Variants in CHST5 observed in about 807,000 individuals in gnomAD.
The protein encoded by CHST5 is carbohydrate sulfotransferase 5.
For missense variants in CHST5, 637 were observed against 602.1 expected, an observed-to-expected ratio of 1.06 and a Z score of -0.61; for synonymous variants, 313 against 279.2, an observed-to-expected ratio of 1.12 and a Z score of -1.21.
At position 75,530,893 on chromosome 16, in the gene CHST5, C is replaced by T; in HGVS notation, c.-509G>A. Reference sequence around the variant, plus strand: ...AGAGGGATAATTCCGGTACCTGGCTCACAGGATCTGGGGGGATTGGGGGGT... The same window carrying T: ...AGAGGGATAATTCCGGTACCTGGCTTACAGGATCTGGGGGGATTGGGGGGT... On this transcript the variant is annotated 5_prime_UTR_variant, in exon 4 of 4. Transcript: ENST00000336257. 2 of 1,001,308 alleles carry T rather than the reference C, an allele frequency of 2.0e-6. No individual in the cohort carries two copies. Among genetic ancestry groups the T allele is most frequent in the Non-Finnish European group, 2.4e-6 (2 of 831,510 alleles). 62.0% of individuals were successfully genotyped at this position (1,001,308 alleles called of 1,614,324 possible). A position where few individuals can be genotyped will look rare whatever the true frequency, so the allele number is the denominator to read the frequency against.
rs747459436 is a variant in CHST5, at chr16:75,530,315, G to C, written c.70C>G (p.Leu24Val). The change falls in exon 4 of 4, where the codon CTG becomes GTG. Residue 24 changes from leucine (L) to valine (V), a missense_variant. Leu to Val is a conservative substitution (Grantham distance 32, BLOSUM62 1). Transcript: ENST00000336257. ...ACTGTCTTGCTGGAGAACCGTGGCA[G>C]CCACATGCGGGCGGCTGGGGGCCTT... is the stretch of plus-strand genomic sequence containing the variant. Reference protein sequence around the residue: ...TRRPPAARMWLPRFSSKTVTV... With the variant: ...TRRPPAARMWVPRFSSKTVTV... The C allele has an allele frequency of 4.6e-5, 74 of 1,606,736 alleles. No individual in the cohort carries two copies. Among genetic ancestry groups the C allele is most frequent in the Non-Finnish European group, 6.2e-5 (73 of 1,177,102 alleles).
Position 75,529,823 on chromosome 16 carries a change from G to T in CHST5, c.562C>A (p.Arg188Ser), listed in dbSNP as rs1597026207. ...TTGAGCACCACGTGGCTGTAGGAGC[G>T]GCAGGCCTCCCGGGCCAGGCTGAAT... The part of the protein sequence containing the change: ...QPFSLAREAC[R>S]SYSHVVLKEV... Residue 188 changes from arginine (R) to serine (S), a missense_variant, in exon 4 of 4, where the codon CGC (arginine) becomes AGC (serine). Transcript: ENST00000336257. 3 of 1,613,622 alleles carry T rather than the reference G, an allele frequency of 1.9e-6. No homozygotes were observed. Among genetic ancestry groups the T allele is most frequent in the Admixed American group, 1.7e-5 (1 of 60,010 alleles).
chr16:75,529,971 G>A lies in CHST5; in HGVS notation c.414C>T (p.Asn138=), dbSNP rs1191521504. The A allele has an allele frequency of 1.9e-6, 3 of 1,613,322 alleles. No homozygotes were observed. The highest frequency in any genetic ancestry group is 2.5e-6 in the Non-Finnish European group (3 of 1,179,952). The change falls in exon 4 of 4, where the codon AAC becomes AAT. Residue 138 remains asparagine (N), a synonymous_variant. Coordinates refer to ENST00000336257, the MANE Select transcript of CHST5 (RefSeq NM_024533.5). ...VFDAYMPQSR[N]LSAFFNWATS... ...TTGCCCAGTTGAAAAAGGCGGACAG[G>A]TTTCGGCTCTGTGGCATGTAGGCAT...
At chr16:75,534,631 A>G (rs2080548335) in intron 2 of CHST5, among the ~76,000 whole-genome samples, 1 of 152,062 alleles carries the variant, frequency 6.6e-6, no homozygotes, top group South Asian at 2.1e-4. Flanking sequence ...ACAGAGCGAG[A>G]CTCCGTCTCG....
At chr16:75,536,015 A>C (rs967859847) in intron 1 of CHST5, among the ~76,000 whole-genome samples, 29 bp downstream of exon 1, 2 of 152,118 alleles carry the variant, frequency 1.3e-5, no homozygotes, top group African/African-American at 4.8e-5. Context: ...CAAGGCCCCA[A>C]CCTCAGCCCT....
rs2550914 is a variant in CHST5, at chr16:75,531,054, G to T, written c.-670C>A. 20,543 of 1,000,914 alleles carry T rather than the reference G, an allele frequency of 0.021. 386 individuals are homozygous for T. Among genetic ancestry groups the T allele is most frequent in the African/African-American group, 0.08 (4,580 of 57,282 alleles). The allele number at this position is 1,000,914 out of a possible 1,614,324, so 62.0% of individuals were successfully genotyped here. A position where few individuals can be genotyped will look rare whatever the true frequency, so the allele number is the denominator to read the frequency against. ...AAAACTTTTGTCAGCCAGGCGCGGT[G>T]GCTCACGCCTGTAATCCCAGCATTA... On this transcript the variant is annotated 5_prime_UTR_variant, in exon 4 of 4. Coordinates refer to ENST00000336257, the MANE Select transcript of CHST5 (RefSeq NM_024533.5).
Position 75,530,626 on chromosome 16 carries a change from T to C in CHST5, c.-242A>G, listed in dbSNP as rs1458993031. On this transcript the variant is annotated 5_prime_UTR_variant, in exon 4 of 4. Coordinates refer to ENST00000336257, the MANE Select transcript of CHST5 (RefSeq NM_024533.5). ...CACCTACTTACATACCTACAGGCTA[T>C]CTATCTGTAGAGAGAAATACTATGT... The C allele has an allele frequency of 7.2e-7, 1 of 1,394,068 alleles. No individual in the cohort carries two copies. Among genetic ancestry groups the C allele is most frequent in the Non-Finnish European group, 9.3e-7 (1 of 1,071,350 alleles). The allele number at this position is 1,394,068 out of a possible 1,614,324, so 86.4% of individuals were successfully genotyped here.
At chr16:75,531,701 A>G (rs567173924) in intron 3 of CHST5, 61 bp from the exon 4 acceptor site, 1 of 1,210,264 alleles carries the variant, frequency 8.3e-7, no homozygotes, top group Admixed American at 2.3e-5. Context: ...TGTACATAGA[A>G]AGCTCCCCAG....
At chr16:75,533,663 G>A (rs933867702) in intron 2 of CHST5, among the ~76,000 whole-genome samples, 15 of 152,172 alleles carry the variant, frequency 9.9e-5, no homozygotes, top group African/African-American at 3.6e-4. Context: ...GGGATTACAG[G>A]CGTGAGCCAT....
At position 75,529,547 on chromosome 16, in the gene CHST5, G is replaced by C; in HGVS notation, c.838C>G (p.Leu280Val). 1 of 1,609,672 alleles carries C rather than the reference G, an allele frequency of 6.2e-7. No homozygotes were observed. Among genetic ancestry groups the C allele is most frequent in the Non-Finnish European group, 8.5e-7 (1 of 1,179,146 alleles). The change falls in exon 4 of 4, where the codon CTC becomes GTC. Residue 280 changes from leucine to valine, a missense_variant. Coordinates refer to ENST00000336257, the MANE Select transcript of CHST5 (RefSeq NM_024533.5). ...SHVRIAEAAT[L>V]KPPPFLRGRY... ...CCGCGCAGGAAGGGTGGCGGCTTGA[G>C]TGTGGCGGCCTCGGCGATGCGCACG...
chr16:75,531,075 C>G lies in CHST5; in HGVS notation c.-691G>C. ...CGGTGGCTCACGCCTGTAATCCCAGCATTATGGGAGGCCGAGGCGGGCGGA... is the reference window on the plus strand; with the variant it reads ...CGGTGGCTCACGCCTGTAATCCCAGGATTATGGGAGGCCGAGGCGGGCGGA... On this transcript the variant is annotated 5_prime_UTR_variant, in exon 4 of 4. It removes an upstream start codon present in the reference 5' UTR. Transcript: ENST00000336257. The G allele has an allele frequency of 3.0e-6, 3 of 997,792 alleles. No individual in the cohort carries two copies. The highest frequency in any genetic ancestry group is 3.6e-6 in the Non-Finnish European group (3 of 827,750). The allele number at this position is 997,792 out of a possible 1,614,324, so 61.8% of individuals were successfully genotyped here. A position where few individuals can be genotyped will look rare whatever the true frequency, so the allele number is the denominator to read the frequency against.
At position 75,529,351 on chromosome 16, in the gene CHST5, G is replaced by C; in HGVS notation, c.1034C>G (p.Ser345Cys). The C allele has an allele frequency of 6.2e-7, 1 of 1,613,248 alleles. No individual in the cohort carries two copies. Among genetic ancestry groups the C allele is most frequent in the Non-Finnish European group, 8.5e-7 (1 of 1,179,910 alleles). Residue 345 changes from serine (S) to cysteine (C), a missense_variant, in exon 4 of 4, where the codon TCT (serine) becomes TGT (cysteine). Transcript: ENST00000336257. ...CTGGGAGACGTTGCGCGCATTCCTA[G>C]ACGAAGTATGGAAGGCCTCGATTGG... Reference protein sequence around the residue: ...GKPIEAFHTSSRNARNVSQAW... With the variant: ...GKPIEAFHTSCRNARNVSQAW...
chr16:75,530,617 T>TA lies in CHST5; in HGVS notation c.-234dup. The TA allele has an allele frequency of 1.4e-6, 2 of 1,404,574 alleles. No individual in the cohort carries two copies. The highest frequency in any genetic ancestry group is 1.9e-6 in the Non-Finnish European group (2 of 1,077,308). 87.0% of individuals were successfully genotyped at this position (1,404,574 alleles called of 1,614,324 possible). On this transcript the variant is annotated 5_prime_UTR_variant, in exon 4 of 4. Transcript: ENST00000336257. ...CCACCCACCCACCTACTTACATACC[T>TA]ACAGGCTATCTATCTGTAGAGAGAA...
chr16:75,530,615 C>G lies in CHST5; in HGVS notation c.-231G>C. The G allele has an allele frequency of 7.1e-7, 1 of 1,408,908 alleles. No individual in the cohort carries two copies. Among genetic ancestry groups the G allele is most frequent in the Non-Finnish European group, 9.3e-7 (1 of 1,079,824 alleles). 87.3% of individuals were successfully genotyped at this position (1,408,908 alleles called of 1,614,324 possible). A position where few individuals can be genotyped will look rare whatever the true frequency, so the allele number is the denominator to read the frequency against. ...ACCCACCCACCCACCTACTTACATA[C>G]CTACAGGCTATCTATCTGTAGAGAG... On this transcript the variant is annotated 5_prime_UTR_variant, in exon 4 of 4. Coordinates refer to ENST00000336257, the MANE Select transcript of CHST5 (RefSeq NM_024533.5).
At chr16:75,532,285 A>G (rs1245650336) in intron 3 of CHST5, among the ~76,000 whole-genome samples, 1 of 152,116 alleles carries the variant, frequency 6.6e-6, no homozygotes, top group African/African-American at 2.4e-5. Flanking sequence ...GGACCTTAAG[A>G]ATGTCACGCA....
In CHST5 at chr16:75,531,650, C is replaced by T. The variant is rs1244246497; in HGVS notation, c.-1256-10G>A. 3.1e-6 allele frequency: 4 copies of T among 1,303,390 alleles called. No homozygotes were observed. The highest frequency in any genetic ancestry group is 2.5e-5 in the South Asian group (2 of 80,988). The allele number at this position is 1,303,390 out of a possible 1,614,324, so 80.7% of individuals were successfully genotyped here. On this transcript the variant is annotated splice_polypyrimidine_tract_variant and intron_variant, in intron 3 of 3. Transcript: ENST00000336257. ...GGAGATGTCTCGACATCTGGCAAAG[C>T]AGGAAGGAGAGGAGATCAGAGCCCT...
At chr16:75,532,661 T>A (rs2080533473) in intron 3 of CHST5, among the ~76,000 whole-genome samples, 1 of 151,954 alleles carries the variant, frequency 6.6e-6, no homozygotes, top group Non-Finnish European at 1.5e-5. Flanking sequence ...ATGAGGAGAG[T>A]AGCCCCCCAC....
Position 75,530,611 on chromosome 16 carries a change from C to G in CHST5, c.-227G>C. The G allele has an allele frequency of 7.1e-7, 1 of 1,415,652 alleles. No individual in the cohort carries two copies. The highest frequency in any genetic ancestry group is 9.2e-7 in the Non-Finnish European group (1 of 1,083,540). The allele number at this position is 1,415,652 out of a possible 1,614,324, so 87.7% of individuals were successfully genotyped here. On this transcript the variant is annotated 5_prime_UTR_variant, in exon 4 of 4. The change abolishes an upstream ATG in the 5' untranslated region. Coordinates refer to ENST00000336257, the MANE Select transcript of CHST5 (RefSeq NM_024533.5). Reference sequence around the variant, plus strand: ...ACCTACCCACCCACCCACCTACTTACATACCTACAGGCTATCTATCTGTAG... The same window carrying G: ...ACCTACCCACCCACCCACCTACTTAGATACCTACAGGCTATCTATCTGTAG...
chr16:75,529,760 G>C lies in CHST5; in HGVS notation c.625C>G (p.Leu209Val), dbSNP rs780637009. The C allele has an allele frequency of 1.2e-6, 2 of 1,613,468 alleles. No homozygotes were observed. Among genetic ancestry groups the C allele is most frequent in the Non-Finnish European group, 1.7e-6 (2 of 1,179,872 alleles). The change falls in exon 4 of 4, where the codon CTG (leucine) becomes GTG (valine). Residue 209 changes from leucine to valine, a missense_variant. Transcript: ENST00000336257. ...AGGTTGAGCGCGGGGTCGCTGAGCA[G>C]CGGGTAGAGCACCTGCAGGTTGAAG... ...RFFNLQVLYP[L>V]LSDPALNLRI...
Sources: gnomAD v4.1 joint callset for allele counts (sites outside exome capture counted in the v4.1 genomes callset) on GRCh38, gnomAD v4.1.1 for gene constraint, MANE v1.5 for transcripts, NCBI Gene and HGNC (gene_info 2026-07-23, HGNC 2026-07-21) for gene names.